SLC36A3: variants seen among roughly 807,000 people sequenced by gnomAD.
The protein encoded by SLC36A3 is proton-coupled amino acid transporter 3.
A neutral mutation model predicts 44.3 loss-of-function variants in SLC36A3; 35 were observed. The ratio of observed to expected loss-of-function variants is 0.79; its 90% CI spans 0.60 to 1.05. SLC36A3 has a LOEUF of 1.05. Ranked by LOEUF, SLC36A3 falls within the 50% of genes least tolerant of loss-of-function variation. SLC36A3 has a pLI of 0.00. For missense variants in SLC36A3, 540 were observed against 578.7 expected (o/e 0.93, Z 0.69); for synonymous variants, 211 against 227.6 (o/e 0.93, Z 0.66).
intron 1 of SLC36A3, among the ~76,000 whole-genome samples, chr5:151,299,258 C>CTATATATA (rs1488673598): frequency 8.8e-5 from 6 of 68,056 alleles, no homozygotes; most frequent in African/African-American, 2.3e-4. Context: ...CTCTCTCTCT[C>CTATATATA]TCTCTCTATA....
At position 151,293,387 on chromosome 5, in the gene SLC36A3, C is replaced by G; in HGVS notation, c.381G>C (p.Leu127=). The G allele has an allele frequency of 6.2e-7, 1 of 1,613,782 alleles. No homozygotes were observed. Among genetic ancestry groups the G allele is most frequent in the African/African-American group, 1.3e-5 (1 of 75,044 alleles). The change falls in exon 4 of 10, where the codon CTG becomes CTC. Residue 127 remains leucine (L), a synonymous_variant. Transcript: ENST00000335230. ...YGLETCPNTW[L]RAHAVWGRYT... ...ACCTTCCCCACACTGCATGGGCCCT[C>G]AGCCAGGTGTTCGGGCAGGTTTCAA...
At position 151,277,211 on chromosome 5, in the gene SLC36A3, C is replaced by T. The variant is rs970997811; in HGVS notation, c.*182G>A. On this transcript the variant is annotated 3_prime_UTR_variant, in exon 10 of 10. Transcript: ENST00000335230. ...AAAGGCCATCCAAAAAATATAAAAC[C>T]AAAAGAGGTGTAGCCTGAGAGACAT... 3.7e-6 allele frequency: 3 copies of T among 807,246 alleles called. No homozygotes were observed. The highest frequency in any genetic ancestry group is 3.0e-5 in the Admixed American group (1 of 33,358). The allele number at this position is 807,246 out of a possible 1,614,324, so 50.0% of individuals were successfully genotyped here. A position where few individuals can be genotyped will look rare whatever the true frequency, so the allele number is the denominator to read the frequency against.
intron 3 of SLC36A3, among the ~76,000 whole-genome samples, chr5:151,294,987 T>A (rs1754910483): frequency 6.6e-6 from 1 of 151,212 alleles, no homozygotes; most frequent in Non-Finnish European, 1.5e-5. Context: ...CCCCAAAACA[T>A]AACTGAAGGC....
In SLC36A3 at chr5:151,287,334, T is replaced by C. The variant is rs779654793; in HGVS notation, c.620A>G (p.Gln207Arg). The change falls in exon 6 of 10, where the codon CAG (glutamine) becomes CGG (arginine). Residue 207 changes from glutamine to arginine, a missense_variant. Gln to Arg is a conservative substitution (Grantham distance 43). Transcript: ENST00000335230. ...GAAGACGGACAGCACCTTGAGGTTC[T>C]GGATAAACACCAACAGGATCAGGAA... ...LPFLILLVFI[Q>R]NLKVLSVFST... 1.2e-6 allele frequency: 2 copies of C among 1,614,180 alleles called. No homozygotes were observed. The highest frequency in any genetic ancestry group is 1.3e-5 in the African/African-American group (1 of 75,036).
At chr5:151,282,125 T>TC in intron 8 of SLC36A3, among the ~76,000 whole-genome samples, 1 of 140,886 alleles carries the variant, frequency 7.1e-6, no homozygotes, top group African/African-American at 2.8e-5. Context: ...TTTTTTTTTT[T>TC]TTTTTTTTTT....
chr5:151,295,743 A>C (rs1580822543), intron 3 of SLC36A3, among the ~76,000 whole-genome samples: 1 of 152,202 alleles, frequency 6.6e-6, no homozygotes, highest in Non-Finnish European at 1.5e-5. Flanking sequence ...ACTTCTTTTC[A>C]GTAAGTATGC....
chr5:151,300,607 T>G (rs1755137472), intron 1 of SLC36A3, among the ~76,000 whole-genome samples: 1 of 152,162 alleles, frequency 6.6e-6, no homozygotes, highest in South Asian at 2.1e-4. Flanking sequence ...CCTATTTGAA[T>G]CAGATATTGT....
intron 3 of SLC36A3, among the ~76,000 whole-genome samples, chr5:151,295,392 A>C (rs1218681902): frequency 6.6e-6 from 1 of 152,246 alleles, no homozygotes; most frequent in Non-Finnish European, 1.5e-5. Flanking sequence ...CTACGGAATG[A>C]GTAAATGCTC....
At position 151,277,593 on chromosome 5, in the gene SLC36A3, CG is replaced by C. The variant is rs762509346; in HGVS notation, c.1212del (p.Ser404ArgfsTer21). 6.2e-7 allele frequency: 1 copy of C among 1,614,150 alleles called. No individual in the cohort carries two copies. Among genetic ancestry groups the C allele is most frequent in the East Asian group, 2.2e-5 (1 of 44,880 alleles). ...AGGGCTGGGATGATGAGAGCCAGGGCGCTGCTGCTCACGGAGCCTACCAGGG... is the reference window on the plus strand; with the variant it reads ...AGGGCTGGGATGATGAGAGCCAGGGCCTGCTGCTCACGGAGCCTACCAGGG... The part of the protein sequence containing the change: ...VISLVGSVSS[S>X]ALALIIPALL... On this transcript the variant is annotated frameshift_variant, in exon 10 of 10. Coordinates refer to ENST00000335230, the MANE Select transcript of SLC36A3 (RefSeq NM_181774.4). LOFTEE classifies it high-confidence loss of function.
chr5:151,280,243 T>C (rs1303603555), intron 9 of SLC36A3, among the ~76,000 whole-genome samples: 2 of 151,980 alleles, frequency 1.3e-5, no homozygotes, highest in Admixed American at 6.6e-5. Flanking sequence ...TCACTTGAGA[T>C]CAGGATTTTG....
chr5:151,289,193 T>C (rs1273954995), intron 4 of SLC36A3: 1 of 152,384 alleles, frequency 6.6e-6, no homozygotes, highest in East Asian at 1.9e-4. Context: ...ATTTTATACA[T>C]ATATACAGTT....
intron 4 of SLC36A3, among the ~76,000 whole-genome samples, chr5:151,292,440 C>G (rs1238744708): frequency 6.6e-6 from 1 of 152,126 alleles, no homozygotes; most frequent in Non-Finnish European, 1.5e-5. Flanking sequence ...TCTGCTCCAC[C>G]CATATCAATG....
At position 151,277,428 on chromosome 5, in the gene SLC36A3, G is replaced by A. The variant is rs532280240; in HGVS notation, c.1378C>T (p.His460Tyr). The change falls in exon 10 of 10, where the codon CAT (histidine) becomes TAT (tyrosine). Residue 460 changes from histidine (H) to tyrosine (Y), a missense_variant. His to Tyr is a moderately conservative substitution (Grantham distance 83, BLOSUM62 2). Coordinates refer to ENST00000335230, the MANE Select transcript of SLC36A3 (RefSeq NM_181774.4). Reference protein sequence around the residue: ...ALYELPQPISHSMANSTGVHA With the variant: ...ALYELPQPISYSMANSTGVHA The stretch of plus-strand genomic sequence containing the variant: ...ACACCTGTGGAGTTGGCCATGGAAT[G>A]GCTGATGGGTTGGGGCAACTCATAG... The A allele has an allele frequency of 6.2e-7, 1 of 1,614,204 alleles. No individual in the cohort carries two copies. The highest frequency in any genetic ancestry group is 2.2e-5 in the East Asian group (1 of 44,890).
At chr5:151,294,892 T>G (rs6871023) in intron 3 of SLC36A3, among the ~76,000 whole-genome samples, 22,575 of 151,950 alleles carry the variant, frequency 0.15, 2,099 homozygotes, top group African/African-American at 0.26. Context: ...GCCTCCTGAA[T>G]TGCTGGGATT....
At position 151,293,746 on chromosome 5, in the gene SLC36A3, G is replaced by A. The variant is rs78605922; in HGVS notation, c.309-287C>T. ...CGTAGATCTGCAAAGCAGGAAAGGG[G>A]ATATGGAGGGGGAGAGGAGGAGGGA... On this transcript the variant is annotated intron_variant, in intron 3 of 9. Coordinates refer to ENST00000335230, the MANE Select transcript of SLC36A3 (RefSeq NM_181774.4). Among the ~76,000 whole-genome samples the A allele has an allele frequency of 7.5e-3, 1,149 of 152,366 alleles. 15 individuals are homozygous for A. The highest frequency in any genetic ancestry group is 0.011 in the Non-Finnish European group (736 of 68,032).
At chr5:151,293,852 T>C (rs964379442) in intron 3 of SLC36A3, among the ~76,000 whole-genome samples, 2 of 151,984 alleles carry the variant, frequency 1.3e-5, no homozygotes, top group African/African-American at 2.4e-5. Context: ...CTCGAGATCC[T>C]GGCCTGGGCC....
chr5:151,277,105 A>G lies in SLC36A3; in HGVS notation c.*288T>C. The G allele has an allele frequency of 2.4e-6, 1 of 416,566 alleles. No individual in the cohort carries two copies. The highest frequency in any genetic ancestry group is 4.3e-6 in the Non-Finnish European group (1 of 230,938). 25.8% of individuals were successfully genotyped at this position (416,566 alleles called of 1,614,324 possible). ...ATGCTTGGTCTCTGTTTCAAGGGCTATTGGGGTAAGTGGCATCCCTTTTCC... is the reference window on the plus strand; with the variant it reads ...ATGCTTGGTCTCTGTTTCAAGGGCTGTTGGGGTAAGTGGCATCCCTTTTCC... On this transcript the variant is annotated 3_prime_UTR_variant, in exon 10 of 10. Coordinates refer to ENST00000335230, the MANE Select transcript of SLC36A3 (RefSeq NM_181774.4).
Position 151,287,433 on chromosome 5 carries a change from A to G in SLC36A3, c.521T>C (p.Ile174Thr). The change falls in exon 6 of 10, where the codon ATC becomes ACC. Residue 174 changes from isoleucine (I) to threonine (T), a missense_variant. Physicochemically the swap from Ile to Thr is moderately conservative, Grantham distance 89 (BLOSUM62 -1). Coordinates refer to ENST00000335230, the MANE Select transcript of SLC36A3 (RefSeq NM_181774.4). ...CGTCAGAATCTCCCTGGGCTGGCAG[A>G]TGTTGGAGGTCACGTGGGCTTTTTC... ...MVEKAHVTSN[I>T]CQPREILTLT... 1 of 1,614,156 alleles carries G rather than the reference A, an allele frequency of 6.2e-7. No homozygotes were observed. The highest frequency in any genetic ancestry group is 8.5e-7 in the Non-Finnish European group (1 of 1,180,018).
In SLC36A3 at chr5:151,303,176, A is replaced by C. The variant is rs781702963; in HGVS notation, c.128+51T>G. On this transcript the variant is annotated intron_variant, in intron 1 of 9. Coordinates refer to ENST00000335230, the MANE Select transcript of SLC36A3 (RefSeq NM_181774.4). ...GAAGGAAGACATAGTCCAGAGTTGC[A>C]AAAACAGCAGTGCTTGACCTCAGGC... 1.8e-5 allele frequency: 29 copies of C among 1,573,970 alleles called. No homozygotes were observed. The Admixed American group carries it at 5.1e-4, about 28-fold the overall frequency.
Sources: gnomAD v4.1 joint callset for allele counts (sites outside exome capture counted in the v4.1 genomes callset) on GRCh38, gnomAD v4.1.1 for gene constraint, MANE v1.5 for transcripts, NCBI Gene and HGNC (gene_info 2026-07-23, HGNC 2026-07-21) for gene names.